Variants in RNF150 observed in about 807,000 individuals in gnomAD.
The protein encoded by RNF150 is ring finger protein 150.
Under a neutral mutation model 39.3 loss-of-function variants are expected in RNF150, and 24 were observed. The observed-to-expected ratio is 0.61, with a 90% confidence interval of 0.44 to 0.86. The LOEUF (loss-of-function observed/expected upper bound fraction) is 0.86. Among genes scored for constraint, RNF150 ranks in the 40% least tolerant of loss-of-function variants. The pLI, the probability that RNF150 is intolerant of heterozygous loss-of-function variation, is 0.00. For synonymous variants in RNF150, 255 were observed against 227.3 expected, an observed-to-expected ratio of 1.12 and a Z score of -1.10; for missense variants, 502 against 587.8, an observed-to-expected ratio of 0.85 and a Z score of 1.51.
intron 6 of RNF150, among the ~76,000 whole-genome samples, chr4:140,882,393 A>G (rs897884439): frequency 6.6e-5 from 10 of 152,134 alleles, no homozygotes; most frequent in African/African-American, 2.2e-4. Context: ...TTTGAGAAAA[A>G]TGTGTATTCT....
chr4:141,111,855 T>C (rs1312716945), intron 1 of RNF150, among the ~76,000 whole-genome samples: 1 of 152,106 alleles, frequency 6.6e-6, no homozygotes, highest in East Asian at 1.9e-4. Flanking sequence ...AGTGTCGTGC[T>C]TTTATTTTGA....
chr4:141,173,767 T>C (rs1258237570), intron 1 of RNF150, among the ~76,000 whole-genome samples: 3 of 152,344 alleles, frequency 2.0e-5, no homozygotes, highest in African/African-American at 7.2e-5. Flanking sequence ...TTTATTTCTA[T>C]CAATTTTAAA....
At chr4:140,954,497 G>A (rs1560984719) in intron 2 of RNF150, among the ~76,000 whole-genome samples, 2 of 152,202 alleles carry the variant, frequency 1.3e-5, no homozygotes, top group South Asian at 2.1e-4. Context: ...TGAGCTACCC[G>A]TGCCTGGCCA....
chr4:141,125,339 G>A (rs1726721135), intron 1 of RNF150, among the ~76,000 whole-genome samples: 1 of 152,072 alleles, frequency 6.6e-6, no homozygotes, highest in East Asian at 1.9e-4. Context: ...ACGCTGCCTT[G>A]TTTCTCTGGG....
intron 1 of RNF150, among the ~76,000 whole-genome samples, chr4:141,207,975 C>A (rs13130928): frequency 1.3e-5 from 2 of 151,626 alleles, no homozygotes; most frequent in African/African-American, 4.8e-5. Context: ...CAAAAAAAAG[C>A]GTTGAGGAAA....
chr4:141,162,884 G>T (rs1386346891), intron 1 of RNF150, among the ~76,000 whole-genome samples: 1 of 152,178 alleles, frequency 6.6e-6, no homozygotes, highest in Non-Finnish European at 1.5e-5. Context: ...GTGGCCATTT[G>T]GGCAGACACT....
intron 2 of RNF150, among the ~76,000 whole-genome samples, chr4:140,956,921 C>T (rs1460489742): frequency 1.3e-5 from 2 of 150,154 alleles, no homozygotes; most frequent in Admixed American, 6.7e-5. Flanking sequence ...GGATTAAAGA[C>T]TTAAACATTA....
intron 4 of RNF150, 61 bp downstream of exon 4, chr4:140,947,593 G>T: frequency 1.6e-6 from 2 of 1,250,756 alleles, no homozygotes; most frequent in Non-Finnish European, 2.3e-6. Context: ...GGGCCAGGGA[G>T]GCCACGCAGG....
intron 1 of RNF150, among the ~76,000 whole-genome samples, chr4:141,207,980 A>T (rs1728400772): frequency 6.6e-6 from 1 of 152,182 alleles, no homozygotes; most frequent in Non-Finnish European, 1.5e-5. Flanking sequence ...AAAAGCGTTG[A>T]GGAAACAAAA....
intron 1 of RNF150, among the ~76,000 whole-genome samples, chr4:140,973,874 T>TAAAAA (rs566506401): frequency 9.0e-6 from 1 of 110,504 alleles, no homozygotes. Context: ...AGACTCTGTT[T>TAAAAA]AAAAAAAAAA....
At chr4:140,999,942 A>AAAGAAGAAGAAGAAGAAGAAGAAG (rs879391696) in intron 1 of RNF150, among the ~76,000 whole-genome samples, 1 of 34,526 alleles carries the variant, frequency 2.9e-5, no homozygotes, top group South Asian at 1.8e-3. Context: ...GGTCTCAAAA[A>AAAGAAGAAGAAGAAGAAGAAGAAG]AAGAAGAAGA....
At chr4:140,883,820 C>CT (rs1729462812) in intron 6 of RNF150, among the ~76,000 whole-genome samples, 1 of 152,150 alleles carries the variant, frequency 6.6e-6, no homozygotes, top group Non-Finnish European at 1.5e-5. Context: ...ATGTTCATAT[C>CT]TTTCCTTAGA....
intron 1 of RNF150, among the ~76,000 whole-genome samples, chr4:141,048,083 C>T (rs1047066839): frequency 1.3e-5 from 2 of 152,158 alleles, no homozygotes; most frequent in African/African-American, 2.4e-5. Context: ...CACTTCCTAT[C>T]GGGTCCTCAA....
At chr4:140,875,168 T>TC (rs1729107449) in intron 6 of RNF150, among the ~76,000 whole-genome samples, 1 of 150,334 alleles carries the variant, frequency 6.7e-6, no homozygotes, top group African/African-American at 2.5e-5. Flanking sequence ...ATTACGTTTT[T>TC]TTTTTTTTTT....
intron 1 of RNF150, among the ~76,000 whole-genome samples, chr4:141,006,107 C>T (rs1023026284): frequency 6.6e-6 from 1 of 150,934 alleles, no homozygotes; most frequent in African/African-American, 2.4e-5. Flanking sequence ...AAGAATGGAA[C>T]TATTTTTTTC....
intron 1 of RNF150, among the ~76,000 whole-genome samples, chr4:141,021,484 T>A (rs976758910): frequency 6.6e-6 from 1 of 152,024 alleles, no homozygotes; most frequent in Non-Finnish European, 1.5e-5. Flanking sequence ...ATCTAAGGGG[T>A]CAGAAGGTAA....
At chr4:141,205,391 A>G (rs1728358915) in intron 1 of RNF150, among the ~76,000 whole-genome samples, 2 of 152,200 alleles carry the variant, frequency 1.3e-5, no homozygotes, top group Admixed American at 1.3e-4. Context: ...TTTCTATACT[A>G]TGCTTCACAG....
chr4:140,954,357 G>A (rs1442038207), intron 2 of RNF150, among the ~76,000 whole-genome samples: 2 of 152,096 alleles, frequency 1.3e-5, no homozygotes, highest in African/African-American at 4.8e-5. Flanking sequence ...TGGGACTACA[G>A]GTGTGTGCCA....
intron 6 of RNF150, among the ~76,000 whole-genome samples, chr4:140,872,765 G>T (rs1728998384): frequency 6.6e-6 from 1 of 152,218 alleles, no homozygotes; most frequent in Admixed American, 6.5e-5. Context: ...GAAGAAGCAG[G>T]TGTTAGAACT....
Sources: allele counts gnomAD v4.1 joint callset (sites outside exome capture counted in the v4.1 genomes callset), GRCh38; gene constraint gnomAD v4.1.1; transcripts MANE v1.5; gene names NCBI Gene and HGNC (gene_info 2026-07-23, HGNC 2026-07-21).